Variants in FAT3 observed in about 807,000 individuals in gnomAD.
The protein encoded by FAT3 is protocadherin Fat 3.
In FAT3, 95 loss-of-function variants were observed where a neutral mutation model predicts 310.2. That is an observed-to-expected ratio of 0.31 (90% CI 0.26 to 0.36). The LOEUF is 0.36. FAT3 is among the 10% of genes least tolerant of loss of function. The probability of loss-of-function intolerance (pLI) is 1.00; values close to 1 mark genes in which losing one functional copy is unlikely to be tolerated. For synonymous variants in FAT3, 2,314 were observed against 2,192.9 expected, an observed-to-expected ratio of 1.06 and a Z score of -1.54; for missense variants, 5,408 against 5,715.6, an observed-to-expected ratio of 0.95 and a Z score of 1.74.
intron 1 of FAT3, among the ~76,000 whole-genome samples, chr11:92,230,921 G>T (rs1467191630): frequency 1.3e-5 from 2 of 152,190 alleles, no homozygotes; most frequent in African/African-American, 4.8e-5. Context: ...TCTTACTACA[G>T]CCCTAATGTA....
intron 2 of FAT3, among the ~76,000 whole-genome samples, chr11:92,357,605 G>A (rs2134658222): frequency 6.6e-6 from 1 of 152,224 alleles, no homozygotes; most frequent in East Asian, 1.9e-4. Context: ...ATGTGGATAG[G>A]TAGGTCATAG....
intron 3 of FAT3, among the ~76,000 whole-genome samples, chr11:92,561,476 A>G (rs936113309): frequency 2.0e-5 from 3 of 152,190 alleles, no homozygotes; most frequent in Admixed American, 6.5e-5. Flanking sequence ...ATTTCTTTAC[A>G]TATAGGACTT....
At chr11:92,548,441 A>G (rs918167917) in intron 3 of FAT3, among the ~76,000 whole-genome samples, 9 of 152,194 alleles carry the variant, frequency 5.9e-5, no homozygotes, top group Non-Finnish European at 1.0e-4. Flanking sequence ...CTTCCCTTTC[A>G]GTCCTTGAAT....
At chr11:92,385,109 A>G (rs1434294237) in intron 2 of FAT3, among the ~76,000 whole-genome samples, 2 of 152,208 alleles carry the variant, frequency 1.3e-5, no homozygotes, top group African/African-American at 4.8e-5. Flanking sequence ...TTTCACTTGA[A>G]AATTGCATCA....
intron 3 of FAT3, among the ~76,000 whole-genome samples, chr11:92,566,607 T>C (rs1181366171): frequency 2.0e-4 from 30 of 149,498 alleles, no homozygotes; most frequent in East Asian, 5.8e-4. Flanking sequence ...AGAACAAAGC[T>C]GGAGGCATCA....
chr11:92,725,886 C>T (rs1056771001), intron 4 of FAT3, among the ~76,000 whole-genome samples: 4 of 152,106 alleles, frequency 2.6e-5, no homozygotes, highest in Admixed American at 1.3e-4. Flanking sequence ...TTCCATGTCT[C>T]CATTATCCCT....
chr11:92,445,469 A>G (rs556326624), intron 2 of FAT3, among the ~76,000 whole-genome samples: 155 of 152,204 alleles, frequency 1.0e-3, no homozygotes, highest in African/African-American at 3.6e-3. Context: ...GAGGGGAAAA[A>G]AAATCTTCCA....
chr11:92,422,935 T>C (rs1319587787), intron 2 of FAT3, among the ~76,000 whole-genome samples: 1 of 152,142 alleles, frequency 6.6e-6, no homozygotes, highest in East Asian at 1.9e-4. Flanking sequence ...CATCACTGAA[T>C]AGGATATTAG....
chr11:92,237,674 A>G (rs1335174643), intron 1 of FAT3, among the ~76,000 whole-genome samples: 9 of 152,126 alleles, frequency 5.9e-5, no homozygotes, highest in Non-Finnish European at 4.4e-5. Flanking sequence ...GACCTGAAAT[A>G]GTGTATTCAC....
chr11:92,713,441 T>A (rs1022286931), intron 4 of FAT3, among the ~76,000 whole-genome samples: 4 of 152,232 alleles, frequency 2.6e-5, no homozygotes, highest in African/African-American at 9.6e-5. Context: ...CAATTTTTTT[T>A]CTTAACCCTG....
chr11:92,719,215 C>G (rs894129156), intron 4 of FAT3, among the ~76,000 whole-genome samples: 1 of 152,184 alleles, frequency 6.6e-6, no homozygotes, highest in Non-Finnish European at 1.5e-5. Context: ...GAGTTTAGAG[C>G]TGGGCCAGTT....
At chr11:92,526,827 C>CA (rs1449142099) in intron 3 of FAT3, among the ~76,000 whole-genome samples, 1 of 152,046 alleles carries the variant, frequency 6.6e-6, no homozygotes, top group Non-Finnish European at 1.5e-5. Context: ...CATTTTTGTC[C>CA]AACTGATCTA....
At chr11:92,649,604 T>C (rs1019293742) in intron 3 of FAT3, among the ~76,000 whole-genome samples, 5 of 151,856 alleles carry the variant, frequency 3.3e-5, no homozygotes, top group Admixed American at 3.3e-4. Context: ...ATAGCAGGAG[T>C]TTTGATTGTG....
intron 3 of FAT3, among the ~76,000 whole-genome samples, chr11:92,611,609 G>T (rs551640206): frequency 6.6e-6 from 1 of 151,936 alleles, no homozygotes; most frequent in South Asian, 2.1e-4. Flanking sequence ...AGCCAGGCTG[G>T]TCTTGAACTC....
chr11:92,505,407 G>A (rs1418709733), intron 2 of FAT3, among the ~76,000 whole-genome samples: 1 of 152,116 alleles, frequency 6.6e-6, no homozygotes, highest in Non-Finnish European at 1.5e-5. Flanking sequence ...TGGTCTGAGA[G>A]TCTGGCTGTG....
chr11:92,592,098 G>C (rs188892772), intron 3 of FAT3, among the ~76,000 whole-genome samples: 13 of 152,138 alleles, frequency 8.5e-5, no homozygotes, highest in African/African-American at 3.1e-4. Flanking sequence ...ACGATGAGGT[G>C]GGGGTGGTGG....
Position 92,527,765 on chromosome 11 carries a change from C to T in FAT3, c.3607+2817C>T, listed in dbSNP as rs1396447686. ...TAAAGTCATTTGTCTGAAATAGTTACATCAATATAACATTTTTCAGTAATG... is the reference window on the plus strand; with the variant it reads ...TAAAGTCATTTGTCTGAAATAGTTATATCAATATAACATTTTTCAGTAATG... On this transcript the variant is annotated intron_variant, in intron 3 of 27. Coordinates refer to ENST00000525166, the MANE Select transcript of FAT3 (RefSeq NM_001367949.2). Among the ~76,000 whole-genome samples, 4 of 151,900 alleles carry T rather than the reference C, an allele frequency of 2.6e-5. No homozygotes were observed. In the South Asian group the frequency reaches 8.3e-4, roughly 31 times the overall value.
chr11:92,440,765 T>G (rs532442604), intron 2 of FAT3, among the ~76,000 whole-genome samples: 1 of 152,316 alleles, frequency 6.6e-6, no homozygotes, highest in African/African-American at 2.4e-5. Context: ...AAAGGGTTAG[T>G]AATAATTGTG....
chr11:92,512,235 G>C (rs1953317302), intron 2 of FAT3, among the ~76,000 whole-genome samples: 1 of 151,936 alleles, frequency 6.6e-6, no homozygotes, highest in Admixed American at 6.6e-5. Context: ...AGACAGAGTT[G>C]CCAAAAGACA....
Sources: gnomAD v4.1 joint callset for allele counts (sites outside exome capture counted in the v4.1 genomes callset) on GRCh38, gnomAD v4.1.1 for gene constraint, MANE v1.5 for transcripts, NCBI Gene and HGNC (gene_info 2026-07-23, HGNC 2026-07-21) for gene names.